Variants in DNAI4 observed in about 807,000 individuals in gnomAD.
DNAI4 encodes WD repeat domain 78.
In DNAI4, 85 loss-of-function variants were observed where a neutral mutation model predicts 105.8. The observed-to-expected ratio is 0.80, with a 90% confidence interval of 0.67 to 0.96. DNAI4 has a LOEUF of 0.96. DNAI4 is among the 40% of genes least tolerant of loss of function. DNAI4 has a pLI of 0.00. For missense variants in DNAI4, 1,014 were observed against 1,005.6 expected, an observed-to-expected ratio of 1.01 and a Z score of -0.11; for synonymous variants, 352 against 331.5, an observed-to-expected ratio of 1.06 and a Z score of -0.67.
chr1:66,814,917 G>A (rs1645485865), intron 16 of DNAI4, among the ~76,000 whole-genome samples: 1 of 151,992 alleles, frequency 6.6e-6, no homozygotes, highest in South Asian at 2.1e-4. Flanking sequence ...CACTAAAATG[G>A]GTAAAATGAT....
intron 15 of DNAI4, among the ~76,000 whole-genome samples, chr1:66,826,319 G>A (rs1572597148): frequency 6.7e-6 from 1 of 148,642 alleles, no homozygotes; most frequent in Non-Finnish European, 1.5e-5. Flanking sequence ...TTTTTTTTGA[G>A]ACAGAGTCTC....
intron 16 of DNAI4, among the ~76,000 whole-genome samples, chr1:66,819,686 TAC>T (rs1365909315): frequency 2.0e-5 from 3 of 152,070 alleles, no homozygotes; most frequent in Non-Finnish European, 4.4e-5. Context: ...ATATATAATA[TAC>T]ACACACAAAT....
At chr1:66,856,339 G>T (rs983950792) in intron 7 of DNAI4, among the ~76,000 whole-genome samples, 4 of 151,928 alleles carry the variant, frequency 2.6e-5, no homozygotes, top group Non-Finnish European at 4.4e-5. Context: ...CAGGCATGGT[G>T]GCGGGCGCCT....
At chr1:66,847,723 T>G in intron 7 of DNAI4, 45 bp from the exon 8 acceptor site, 1 of 1,392,172 alleles carries the variant, frequency 7.2e-7, no homozygotes. Flanking sequence ...TTCAAATGGA[T>G]GGTTCATACA....
intron 6 of DNAI4, among the ~76,000 whole-genome samples, chr1:66,869,128 T>C (rs1646790480): frequency 6.6e-6 from 1 of 150,934 alleles, no homozygotes. Context: ...TATATATATA[T>C]ATATACATAT....
At chr1:66,842,636 G>A (rs1283915634) in intron 8 of DNAI4, among the ~76,000 whole-genome samples, 1 of 151,992 alleles carries the variant, frequency 6.6e-6, no homozygotes, top group Non-Finnish European at 1.5e-5. Flanking sequence ...TCCTCAAGTG[G>A]CCTGCCCACC....
At chr1:66,876,224 CA>C (rs1350009586) in intron 4 of DNAI4, among the ~76,000 whole-genome samples, 2 of 151,716 alleles carry the variant, frequency 1.3e-5, no homozygotes, top group African/African-American at 2.4e-5. Context: ...ACATGTAGTC[CA>C]AACTTTTTGT....
In DNAI4 at chr1:66,826,851, T is replaced by G. The variant is rs752054302; in HGVS notation, c.2308A>C (p.Arg770=). Residue 770 remains arginine (R), a synonymous_variant, in exon 15 of 17, where the codon AGG becomes CGG. Transcript: ENST00000371026. ...SYIFAAANEN[R]VEIWDLHIST... ...ATATGAAGGTCCCAAATCTCCACCC[T>G]GTTCTCATTTGCAGCTGCAAATATA... 1.4e-5 allele frequency: 22 copies of G among 1,613,980 alleles called. No individual in the cohort carries two copies. The Admixed American group carries it at 3.5e-4, about 26-fold the overall frequency.
chr1:66,816,848 T>C (rs568993462), intron 16 of DNAI4, among the ~76,000 whole-genome samples: 11 of 151,688 alleles, frequency 7.3e-5, no homozygotes, highest in South Asian at 4.2e-4. Flanking sequence ...AATTAAAAGA[T>C]TGCATAACCA....
intron 1 of DNAI4, among the ~76,000 whole-genome samples, chr1:66,918,190 A>T (rs1650200349): frequency 1.3e-5 from 2 of 152,264 alleles, no homozygotes. Flanking sequence ...AGAAATAATT[A>T]GGCCAAGTAT....
At position 66,835,707 on chromosome 1, in the gene DNAI4, A is replaced by T. The variant is rs1345353486; in HGVS notation, c.1652T>A (p.Leu551His). ...AVDFSIGAPN[L>H]LAVGYHNGTI... ...GCCATTGTGATAGCCAACGGCTAAA[A>T]GGTTAGGTGCTCCAATTGAAAAATC... The change falls in exon 11 of 17, where the codon CTT (leucine) becomes CAT (histidine). Residue 551 changes from leucine (L) to histidine (H), a missense_variant. Coordinates refer to ENST00000371026, the MANE Select transcript of DNAI4 (RefSeq NM_024763.5). 1 of 1,614,096 alleles carries T rather than the reference A, an allele frequency of 6.2e-7. No individual in the cohort carries two copies. The highest frequency in any genetic ancestry group is 2.2e-5 in the East Asian group (1 of 44,864).
intron 7 of DNAI4, among the ~76,000 whole-genome samples, chr1:66,851,051 CA>C (rs1008096836): frequency 1.2e-4 from 18 of 150,874 alleles, no homozygotes; most frequent in African/African-American, 2.7e-4. Context: ...TAAAGACTGA[CA>C]AAAAAAATTG....
chr1:66,840,523 A>G lies in DNAI4; in HGVS notation c.1440T>C (p.Cys480=). ...TCACATTGAGGCCTTTGGTTAAGTC[A>G]CAGGAAAAAGACCAAAGTCGTTCCA... ...ANLERLWSFS[C]DLTKGLNVSS... is the part of the protein sequence containing the mutation. The change falls in exon 9 of 17, where the codon TGT becomes TGC. Residue 480 remains cysteine, a synonymous_variant. Coordinates refer to ENST00000371026, the MANE Select transcript of DNAI4 (RefSeq NM_024763.5). 6.2e-7 allele frequency: 1 copy of G among 1,614,228 alleles called. No individual in the cohort carries two copies. The highest frequency in any genetic ancestry group is 8.5e-7 in the Non-Finnish European group (1 of 1,180,034).
Position 66,847,497 on chromosome 1 carries a change from A to G in DNAI4, c.1278T>C (p.Leu426=), listed in dbSNP as rs752629613. The part of the protein sequence containing the change: ...FQPKLAAYRQ[L]PVLKEPEPEE... ...TTTTTTAAATACCTTTTAAAACAGG[A>G]AGCTGACGATAAGCTGCAAGTTTGG... The change falls in exon 8 of 17, where the codon CTT becomes CTC. Residue 426 remains leucine, a synonymous_variant. Coordinates refer to ENST00000371026, the MANE Select transcript of DNAI4 (RefSeq NM_024763.5). The G allele has an allele frequency of 1.1e-5, 18 of 1,612,666 alleles. No homozygotes were observed. Among genetic ancestry groups the G allele is most frequent in the Non-Finnish European group, 1.5e-5 (18 of 1,179,720 alleles).
chr1:66,909,192 T>A lies in DNAI4; in HGVS notation c.171-3817A>T, dbSNP rs191226646. Among the ~76,000 whole-genome samples the A allele has an allele frequency of 2.6e-3, 398 of 152,014 alleles. 7 individuals are homozygous for A. Among genetic ancestry groups the A allele is most frequent in the Admixed American group, 0.016 (242 of 15,238 alleles). ...AACAAACAAGAAACTTCTCTTTACT[T>A]CACCTGTCTTTCCAGCTATCAGTCA... On this transcript the variant is annotated intron_variant, in intron 1 of 16. Transcript: ENST00000371026.
chr1:66,821,755 T>C (rs901085431), intron 16 of DNAI4, among the ~76,000 whole-genome samples: 2 of 152,142 alleles, frequency 1.3e-5, no homozygotes, highest in Admixed American at 6.5e-5. Context: ...ATATTTATCA[T>C]ATTTGTGCTA....
chr1:66,893,528 T>A (rs976777547), intron 2 of DNAI4, 115 bp from the exon 3 acceptor site: 1 of 619,708 alleles, frequency 1.6e-6, no homozygotes, highest in Non-Finnish European at 2.4e-6. Flanking sequence ...AATGCTCCTA[T>A]AATAGGATAA....
intron 16 of DNAI4, among the ~76,000 whole-genome samples, chr1:66,820,621 T>A (rs1050155702): frequency 2.0e-5 from 3 of 152,058 alleles, no homozygotes; most frequent in African/African-American, 7.2e-5. Context: ...AGGTGGTAAA[T>A]GTTATTTAAA....
chr1:66,910,593 G>A (rs1649583208), intron 1 of DNAI4, among the ~76,000 whole-genome samples: 1 of 152,236 alleles, frequency 6.6e-6, no homozygotes, highest in Admixed American at 6.5e-5. Context: ...CCAAATGCCA[G>A]AACAACAGGC....
Sources: allele counts gnomAD v4.1 joint callset (sites outside exome capture counted in the v4.1 genomes callset), GRCh38; gene constraint gnomAD v4.1.1; transcripts MANE v1.5; gene names NCBI Gene and HGNC (gene_info 2026-07-23, HGNC 2026-07-21).